The following BLTP3B variants were observed in gnomAD, a reference collection of about 807,000 sequenced individuals.
BLTP3B encodes UHRF1 (ICBP90) binding protein 1-like.
At chr12:100,040,853 C>G in the BLTP3B span, among the ~76,000 whole-genome samples, 1 of 152,094 alleles carries the variant, frequency 6.6e-6, no homozygotes, top group Non-Finnish European at 1.5e-5. Flanking sequence ...AAGAAAAGCC[C>G]AGGCCCAGGT....
At chr12:100,107,609 T>TG in the BLTP3B span, among the ~76,000 whole-genome samples, 1 of 151,352 alleles carries the variant, frequency 6.6e-6, no homozygotes, top group African/African-American at 2.4e-5. Flanking sequence ...CACTCCAGCC[T>TG]GGTGACAGAG....
At chr12:100,130,987 GAGAGAGAGA>G in the BLTP3B span, among the ~76,000 whole-genome samples, 44 of 76,332 alleles carry the variant, frequency 5.8e-4, no homozygotes, top group African/African-American at 1.8e-3. Flanking sequence ...GGGAGGGAGA[GAGAGAGAGA>G]GAGAGAGAGA....
the BLTP3B span, chr12:100,128,462 T>C: frequency 2.7e-5 from 21 of 763,910 alleles, no homozygotes; most frequent in Admixed American, 1.9e-4. Flanking sequence ...GAAAATGAAA[T>C]AGGTATCTGA....
the BLTP3B span, chr12:100,048,019 T>C: frequency 1.2e-6 from 2 of 1,607,352 alleles, no homozygotes; most frequent in Non-Finnish European, 1.7e-6. Context: ...TTCCAAAAAA[T>C]GTTGAATATT....
At chr12:100,077,304 AG>A in the BLTP3B span, among the ~76,000 whole-genome samples, 1 of 152,244 alleles carries the variant, frequency 6.6e-6, no homozygotes, top group African/African-American at 2.4e-5. Context: ...TAGGAGGAAT[AG>A]GATATACCAT....
At chr12:100,051,554 A>C in the BLTP3B span, 1 of 190,158 alleles carries the variant, frequency 5.3e-6, no homozygotes, top group South Asian at 1.4e-4. Context: ...ATAAGTCTCA[A>C]TTTATTATTG....
chr12:100,040,015 T>C, the BLTP3B span, among the ~76,000 whole-genome samples: 1 of 151,736 alleles, frequency 6.6e-6, no homozygotes, highest in Admixed American at 6.6e-5. Flanking sequence ...GTCAACTTCA[T>C]CTAAGTTAAT....
chr12:100,126,274 T>C, the BLTP3B span, among the ~76,000 whole-genome samples: 1 of 152,132 alleles, frequency 6.6e-6, no homozygotes, highest in Admixed American at 6.5e-5. Flanking sequence ...TAGACACAGA[T>C]GTAAGATAAG....
At chr12:100,095,504 G>C in the BLTP3B span, among the ~76,000 whole-genome samples, 3 of 152,178 alleles carry the variant, frequency 2.0e-5, no homozygotes, top group Admixed American at 6.5e-5. Context: ...AGATATGATA[G>C]CTACTACTTA....
chr12:100,053,978 C>G, the BLTP3B span, among the ~76,000 whole-genome samples: 1 of 151,994 alleles, frequency 6.6e-6, no homozygotes, highest in East Asian at 1.9e-4. Context: ...TCAAAAGAAC[C>G]AGGAATGTAT....
chr12:100,142,569 C>G, the BLTP3B span: 1 of 1,605,976 alleles, frequency 6.2e-7, no homozygotes, highest in South Asian at 1.1e-5. Context: ...CCGACTGGCG[C>G]CGACACCGAG....
At chr12:100,090,417 T>C in the BLTP3B span, among the ~76,000 whole-genome samples, 1 of 152,150 alleles carries the variant, frequency 6.6e-6, no homozygotes, top group African/African-American at 2.4e-5. Context: ...TTATCTGACA[T>C]ATGAGCCACA....
the BLTP3B span, among the ~76,000 whole-genome samples, chr12:100,070,533 A>T: frequency 1.3e-5 from 2 of 152,178 alleles, no homozygotes; most frequent in African/African-American, 4.8e-5. Flanking sequence ...CTGGGATTAC[A>T]GGCATGAGCC....
chr12:100,047,128 G>A, the BLTP3B span, among the ~76,000 whole-genome samples: 2 of 152,278 alleles, frequency 1.3e-5, no homozygotes, highest in East Asian at 3.9e-4. Flanking sequence ...ATACATATAA[G>A]AAATATAATA....
the BLTP3B span, chr12:100,128,784 G>T: frequency 8.3e-7 from 1 of 1,210,650 alleles, no homozygotes; most frequent in East Asian, 5.9e-5. Context: ...GAAGGAAGAG[G>T]AAAGGAATGA....
chr12:100,131,534 T>C, the BLTP3B span, among the ~76,000 whole-genome samples: 5 of 152,008 alleles, frequency 3.3e-5, no homozygotes, highest in South Asian at 2.1e-4. Context: ...ATGACTAATA[T>C]GGAAATTCAA....
the BLTP3B span, among the ~76,000 whole-genome samples, chr12:100,064,032 C>CA: frequency 6.6e-6 from 1 of 151,824 alleles, no homozygotes; most frequent in East Asian, 1.9e-4. Context: ...TAAGGAAATC[C>CA]AAAAAATGAT....
chr12:100,098,445 A>C, the BLTP3B span: 6 of 1,614,058 alleles, frequency 3.7e-6, no homozygotes, highest in Non-Finnish European at 5.1e-6. Flanking sequence ...GAGAAAGTTC[A>C]AATGATGCAT....
chr12:100,070,107 G>T, the BLTP3B span: 1 of 1,501,824 alleles, frequency 6.7e-7, no homozygotes. Context: ...TACTCCCTAT[G>T]AGATGCAGAG....
Sources: allele counts gnomAD v4.1 joint callset (sites outside exome capture counted in the v4.1 genomes callset), GRCh38; gene constraint gnomAD v4.1.1; transcripts MANE v1.5; gene names NCBI Gene and HGNC (gene_info 2026-07-23, HGNC 2026-07-21).